Variants in TMTC2 observed in about 807,000 individuals in gnomAD.
TMTC2 encodes transmembrane O-mannosyltransferase targeting cadherins 2, also known as protein O-mannosyl-transferase TMTC2.
TMTC2 carries 43 observed loss-of-function variants against 82.4 expected under a neutral mutation model. The ratio of observed to expected loss-of-function variants is 0.52; its 90% CI spans 0.41 to 0.67. The LOEUF (loss-of-function observed/expected upper bound fraction) is 0.67. Among genes scored for constraint, TMTC2 ranks in the 30% least tolerant of loss-of-function variants. The probability of loss-of-function intolerance (pLI) is 0.00; values close to 1 mark genes in which losing one functional copy is unlikely to be tolerated. For missense variants in TMTC2, 919 were observed against 1,012.4 expected, an observed-to-expected ratio of 0.91 and a Z score of 1.25; for synonymous variants, 408 against 381.9, an observed-to-expected ratio of 1.07 and a Z score of -0.80.
intron 8 of TMTC2, among the ~76,000 whole-genome samples, chr12:82,996,256 AG>A (rs1565844337): frequency 6.6e-6 from 1 of 152,156 alleles, no homozygotes. Context: ...TCAAATGTGA[AG>A]TTTTGAAGGA....
chr12:82,886,014 G>A (rs75299566), intron 2 of TMTC2, among the ~76,000 whole-genome samples: 1,600 of 152,156 alleles, frequency 0.011, 25 homozygotes, highest in African/African-American at 0.037. Context: ...TTTATTTTTT[G>A]TATCACTTAT....
chr12:82,984,775 A>G (rs1257297442), intron 7 of TMTC2, among the ~76,000 whole-genome samples: 15 of 152,162 alleles, frequency 9.9e-5, no homozygotes, highest in Admixed American at 7.2e-4. Context: ...TTTGTTCACC[A>G]TATAATCACA....
chr12:82,937,762 A>ATATATATGTGTG (rs1876430602), intron 4 of TMTC2, among the ~76,000 whole-genome samples: 2 of 18,624 alleles, frequency 1.1e-4, no homozygotes, highest in African/African-American at 3.8e-4. Flanking sequence ...ATATATATAT[A>ATATATATGTGTG]TATATATATA....
chr12:82,860,835 A>G (rs933029547), intron 2 of TMTC2, among the ~76,000 whole-genome samples: 3 of 152,226 alleles, frequency 2.0e-5, no homozygotes, highest in African/African-American at 4.8e-5. Context: ...TTTAAGCACA[A>G]ACTTTCATTT....
At chr12:83,081,573 T>C (rs1883469468) in intron 11 of TMTC2, among the ~76,000 whole-genome samples, 1 of 152,190 alleles carries the variant, frequency 6.6e-6, no homozygotes, top group South Asian at 2.1e-4. Context: ...TTTTGATAAA[T>C]CTAGAGAGAT....
At chr12:82,879,615 G>T (rs1468199815) in intron 2 of TMTC2, among the ~76,000 whole-genome samples, 1 of 152,140 alleles carries the variant, frequency 6.6e-6, no homozygotes, top group Non-Finnish European at 1.5e-5. Flanking sequence ...ATAGAACCCT[G>T]GATTTATAAT....
intron 2 of TMTC2, among the ~76,000 whole-genome samples, chr12:82,890,202 A>G (rs1873325778): frequency 6.6e-6 from 1 of 151,906 alleles, no homozygotes; most frequent in African/African-American, 2.4e-5. Flanking sequence ...TCAGATCTTT[A>G]TGGTTATTTG....
At chr12:82,904,214 GT>G (rs1214980205) in intron 3 of TMTC2, among the ~76,000 whole-genome samples, 2 of 152,140 alleles carry the variant, frequency 1.3e-5, no homozygotes, top group Non-Finnish European at 2.9e-5. Context: ...TCTTATGTAT[GT>G]ATGGTTTTCT....
At chr12:82,939,009 T>A (rs1279630222) in intron 4 of TMTC2, among the ~76,000 whole-genome samples, 1 of 152,174 alleles carries the variant, frequency 6.6e-6, no homozygotes, top group Non-Finnish European at 1.5e-5. Context: ...ACGTCAGAAT[T>A]CGTATAATCG....
intron 1 of TMTC2, among the ~76,000 whole-genome samples, chr12:82,786,692 T>C (rs1878191224): frequency 1.3e-5 from 2 of 152,124 alleles, no homozygotes; most frequent in Non-Finnish European, 2.9e-5. Context: ...TCTCTTCCCT[T>C]TGTCTCAACA....
intron 1 of TMTC2, among the ~76,000 whole-genome samples, chr12:82,729,033 G>C (rs963851961): frequency 6.6e-6 from 1 of 152,202 alleles, no homozygotes; most frequent in Admixed American, 6.5e-5. Flanking sequence ...TGCGTGGCCC[G>C]AGCCTCCCCG....
chr12:83,085,230 T>A (rs1212820464), intron 11 of TMTC2, among the ~76,000 whole-genome samples: 2 of 152,234 alleles, frequency 1.3e-5, no homozygotes, highest in East Asian at 1.9e-4. Context: ...TACATTTTGC[T>A]AACTATGCCT....
At chr12:82,733,226 T>C (rs1052019252) in intron 1 of TMTC2, among the ~76,000 whole-genome samples, 1 of 152,232 alleles carries the variant, frequency 6.6e-6, no homozygotes, top group African/African-American at 2.4e-5. Flanking sequence ...TTATAAGTAA[T>C]TCATTGCTGT....
intron 1 of TMTC2, among the ~76,000 whole-genome samples, chr12:82,833,134 C>T (rs747979867): frequency 5.3e-5 from 8 of 152,164 alleles, no homozygotes; most frequent in Non-Finnish European, 8.8e-5. Flanking sequence ...TGGAGTAGAA[C>T]ATCTAATGTT....
intron 11 of TMTC2, among the ~76,000 whole-genome samples, chr12:83,122,262 A>C (rs1003922033): frequency 6.6e-6 from 1 of 151,544 alleles, no homozygotes; most frequent in Admixed American, 6.6e-5. Context: ...CTATGAAAGC[A>C]AGTGTCGCTT....
At chr12:82,752,935 A>T (rs1414188355) in intron 1 of TMTC2, among the ~76,000 whole-genome samples, 1 of 151,994 alleles carries the variant, frequency 6.6e-6, no homozygotes, top group Non-Finnish European at 1.5e-5. Flanking sequence ...TCTTGCTTTT[A>T]TTAGACCCCT....
chr12:83,039,645 T>C (rs1055326276), intron 9 of TMTC2, among the ~76,000 whole-genome samples: 1 of 152,114 alleles, frequency 6.6e-6, no homozygotes, highest in Admixed American at 6.6e-5. Context: ...TGGAGTTTAT[T>C]ACCCAAGGTT....
At chr12:83,001,689 C>T (rs964384408) in intron 8 of TMTC2, among the ~76,000 whole-genome samples, 31 of 151,320 alleles carry the variant, frequency 2.0e-4, no homozygotes, top group African/African-American at 7.0e-4. Flanking sequence ...ACCAGATACC[C>T]GAAGTCATCT....
chr12:82,800,789 C>T (rs1565756020), intron 1 of TMTC2, among the ~76,000 whole-genome samples: 1 of 151,996 alleles, frequency 6.6e-6, no homozygotes, highest in Non-Finnish European at 1.5e-5. Context: ...AGAGTCAAAT[C>T]CTATAGAAAC....
Sources: gnomAD v4.1 joint callset for allele counts (sites outside exome capture counted in the v4.1 genomes callset) on GRCh38, gnomAD v4.1.1 for gene constraint, MANE v1.5 for transcripts, NCBI Gene and HGNC (gene_info 2026-07-23, HGNC 2026-07-21) for gene names.